FREM3: variants seen among roughly 807,000 people sequenced by gnomAD.
FREM3 encodes FRAS1 related extracellular matrix 3, also known as FRAS1-related extracellular matrix protein 3.
A neutral mutation model predicts 129.1 loss-of-function variants in FREM3; 105 were observed. That is an observed-to-expected ratio of 0.81 (90% CI 0.69 to 0.96). The LOEUF (loss-of-function observed/expected upper bound fraction) is 0.96. Among genes scored for constraint, FREM3 ranks in the 40% least tolerant of loss-of-function variants. The pLI is 0.00. For missense variants in FREM3, 2,593 were observed against 2,666.3 expected, an observed-to-expected ratio of 0.97 and a Z score of 0.61; for synonymous variants, 1,014 against 1,044.9, an observed-to-expected ratio of 0.97 and a Z score of 0.57.
Position 143,627,732 on chromosome 4 carries a change from G to A in FREM3, c.5304C>T (p.Phe1768=), listed in dbSNP as rs1475546913. 2.6e-6 allele frequency: 4 copies of A among 1,535,700 alleles called. No homozygotes were observed. The highest frequency in any genetic ancestry group is 3.5e-6 in the Non-Finnish European group (4 of 1,145,680). ...AACAAATCCAAGCCCAGTTTAGATG[G>A]AAAGGCTGATTTGTTAGTTTATTTC... ...NGGNKLTNQP[F]HLNWAWICLE... is the part of the protein sequence containing the mutation. Residue 1768 remains phenylalanine (F), a synonymous_variant, in exon 3 of 8, where the codon TTC becomes TTT. Coordinates refer to ENST00000329798, the MANE Select transcript of FREM3 (RefSeq NM_001168235.2).
At chr4:143,613,034 G>A (rs1738788519) in intron 5 of FREM3, among the ~76,000 whole-genome samples, 1 of 152,162 alleles carries the variant, frequency 6.6e-6, no homozygotes, top group African/African-American at 2.4e-5. Flanking sequence ...ACTGCATGTT[G>A]CTTGTATAGA....
At chr4:143,594,780 C>T (rs1738437921) in intron 6 of FREM3, among the ~76,000 whole-genome samples, 1 of 152,168 alleles carries the variant, frequency 6.6e-6, no homozygotes, top group African/African-American at 2.4e-5. Context: ...TCTAGATGCT[C>T]TAGGTATTGA....
chr4:143,586,664 A>G (rs1483540984), intron 6 of FREM3, among the ~76,000 whole-genome samples: 1 of 152,214 alleles, frequency 6.6e-6, no homozygotes, highest in Non-Finnish European at 1.5e-5. Context: ...AAAAGGAGAA[A>G]GAGGTTGACA....
chr4:143,611,375 C>T lies in FREM3; in HGVS notation c.5932G>A (p.Glu1978Lys). Residue 1978 changes from glutamate (E) to lysine (K), a missense_variant, in exon 6 of 8, where the codon GAA (glutamate) becomes AAA (lysine). Physicochemically the swap from Glu to Lys is moderately conservative, Grantham distance 56. Coordinates refer to ENST00000329798, the MANE Select transcript of FREM3 (RefSeq NM_001168235.2). ...AGCCTAAGTGAAACGCTGAAGGATT[C>T]CTCCTCTTCATAAAGGGAGTCATCA... ...IIDDSLYEEE[E>K]SFSVSLRLPV... 6.5e-7 allele frequency: 1 copy of T among 1,537,150 alleles called. No homozygotes were observed. The highest frequency in any genetic ancestry group is 8.7e-7 in the Non-Finnish European group (1 of 1,146,836).
chr4:143,625,879 A>C (rs1578840332), intron 3 of FREM3, among the ~76,000 whole-genome samples: 1 of 152,194 alleles, frequency 6.6e-6, no homozygotes, highest in East Asian at 1.9e-4. Flanking sequence ...TATGCCAAGA[A>C]CTGTGCTAGA....
In FREM3 at chr4:143,699,764, C is replaced by A. The variant is rs1740657397; in HGVS notation, c.912G>T (p.Pro304=). 1.3e-6 allele frequency: 2 copies of A among 1,528,824 alleles called. No homozygotes were observed. The highest frequency in any genetic ancestry group is 1.8e-6 in the Non-Finnish European group (2 of 1,142,392). The allele number at this position is 1,528,824 out of a possible 1,614,324, so 94.7% of individuals were successfully genotyped here. The change falls in exon 1 of 8, where the codon CCG becomes CCT. Residue 304 remains proline (P), a synonymous_variant. Coordinates refer to ENST00000329798, the MANE Select transcript of FREM3 (RefSeq NM_001168235.2). The surrounding 1 kb of genome is among the most constrained non-coding windows in gnomAD (Gnocchi z 4.2). ...TCGTGGCCATGAAGCTGGGCCTGGG[C>A]GGTGTGTTCTCGGCTCCGCCGCGGA... The part of the protein sequence containing the change: ...VRIRGGAENT[P]PRPSFMATMM...
At chr4:143,653,735 GAA>G (rs911177625) in intron 2 of FREM3, among the ~76,000 whole-genome samples, 1 of 152,152 alleles carries the variant, frequency 6.6e-6, no homozygotes, top group Admixed American at 6.5e-5. Flanking sequence ...AATTGCTGGG[GAA>G]GTTACTCAAA....
At chr4:143,612,171 T>G (rs911237689) in intron 5 of FREM3, among the ~76,000 whole-genome samples, 10 of 152,236 alleles carry the variant, frequency 6.6e-5, no homozygotes, top group African/African-American at 2.4e-4. Flanking sequence ...TATAATCATG[T>G]GACCACCACC....
chr4:143,578,658 G>A (rs1444623067), intron 7 of FREM3, among the ~76,000 whole-genome samples: 1 of 152,150 alleles, frequency 6.6e-6, no homozygotes, highest in Non-Finnish European at 1.5e-5. Flanking sequence ...ACAATGAGAG[G>A]ATAGTATCAT....
intron 2 of FREM3, among the ~76,000 whole-genome samples, chr4:143,662,279 G>A (rs62339312): frequency 6.6e-6 from 1 of 151,408 alleles, no homozygotes; most frequent in South Asian, 2.1e-4. Context: ...AGAGATTCTG[G>A]TATGTTGTGT....
intron 6 of FREM3, among the ~76,000 whole-genome samples, chr4:143,589,643 G>A (rs1367351984): frequency 6.6e-6 from 1 of 152,184 alleles, no homozygotes; most frequent in East Asian, 1.9e-4. Context: ...GGTTACTGTA[G>A]CCTTGTATTA....
At position 143,699,824 on chromosome 4, in the gene FREM3, C is replaced by A; in HGVS notation, c.852G>T (p.Val284=). ...GCAGCTGGAAGTGCTCGCGGACCAGCACACCCGCGGACCCAGCGTCTTGGC... is the reference window on the plus strand; with the variant it reads ...GCAGCTGGAAGTGCTCGCGGACCAGAACACCCGCGGACCCAGCGTCTTGGC... ...PEGQDAGSAG[V]LVREHFQLLV... Residue 284 remains valine, a synonymous_variant, in exon 1 of 8, where the codon GTG becomes GTT. Transcript: ENST00000329798. This position sits in a 1 kb window ranked among gnomAD's most constrained non-coding sequence, Gnocchi z 4.2. The A allele has an allele frequency of 6.5e-7, 1 of 1,536,548 alleles. No individual in the cohort carries two copies. The highest frequency in any genetic ancestry group is 8.7e-7 in the Non-Finnish European group (1 of 1,146,906).
At chr4:143,677,817 A>G (rs1740172495) in intron 2 of FREM3, among the ~76,000 whole-genome samples, 1 of 152,250 alleles carries the variant, frequency 6.6e-6, no homozygotes, top group East Asian at 1.9e-4. Flanking sequence ...CATCAGAGAA[A>G]TGCAAATCAA....
In FREM3 at chr4:143,678,106, C is replaced by T. The variant is rs142401490; in HGVS notation, c.5275+15007G>A. Among the ~76,000 whole-genome samples, 329 of 152,246 alleles carry T rather than the reference C, an allele frequency of 2.2e-3. 1 individual carries two copies. Among genetic ancestry groups the T allele is most frequent in the African/African-American group, 7.8e-3 (322 of 41,538 alleles). On this transcript the variant is annotated intron_variant, in intron 2 of 7. Coordinates refer to ENST00000329798, the MANE Select transcript of FREM3 (RefSeq NM_001168235.2). Reference sequence around the variant, plus strand: ...ACATGCACACGTATGTTTACTGGGGCACTATTCACAATAGCAAAGACTTGG... The same window carrying T: ...ACATGCACACGTATGTTTACTGGGGTACTATTCACAATAGCAAAGACTTGG...
chr4:143,578,567 CAGA>C (rs1738080148), intron 7 of FREM3, among the ~76,000 whole-genome samples: 1 of 152,164 alleles, frequency 6.6e-6, no homozygotes, highest in Non-Finnish European at 1.5e-5. Flanking sequence ...GGAACCCTGG[CAGA>C]TACTACCTTA....
At position 143,585,259 on chromosome 4, in the gene FREM3, A is replaced by T. The variant is rs749623187; in HGVS notation, c.6178+585T>A. Among the ~76,000 whole-genome samples, 4 of 152,358 alleles carry T rather than the reference A, an allele frequency of 2.6e-5. No individual in the cohort carries two copies. The highest frequency in any genetic ancestry group is 5.9e-5 in the Non-Finnish European group (4 of 68,034). ...AAAATGTGGGCATCAATGTACATGG[A>T]AATGTCCTTTTCTTTTCCTATTGGG... On this transcript the variant is annotated intron_variant, in intron 7 of 7. Transcript: ENST00000329798. This position sits in a 1 kb window ranked among gnomAD's most constrained non-coding sequence, Gnocchi z 4.2.
At chr4:143,589,583 C>G (rs1738316548) in intron 6 of FREM3, among the ~76,000 whole-genome samples, 1 of 152,134 alleles carries the variant, frequency 6.6e-6, no homozygotes, top group Non-Finnish European at 1.5e-5. Context: ...GGGCTCTCTT[C>G]TGTTCCATTG....
chr4:143,640,101 G>GCTT (rs1739298840), intron 2 of FREM3, among the ~76,000 whole-genome samples: 1 of 152,118 alleles, frequency 6.6e-6, no homozygotes. Flanking sequence ...TCTTAATGAA[G>GCTT]CTTCCATGGG....
At chr4:143,592,566 G>A (rs9762663) in intron 6 of FREM3, among the ~76,000 whole-genome samples, 50,860 of 152,018 alleles carry the variant, frequency 0.33, 10,451 homozygotes, top group Middle Eastern at 0.47. Context: ...TTGAATATTG[G>A]CCCCCTCTCT....
Sources: gnomAD v4.1 joint callset for allele counts (sites outside exome capture counted in the v4.1 genomes callset) on GRCh38, gnomAD v4.1.1 for gene constraint, Gnocchi (gnomAD v3.1) non-coding constraint, MANE v1.5 for transcripts, NCBI Gene and HGNC (gene_info 2026-07-23, HGNC 2026-07-21) for gene names.